Variants in PPP1R16B observed in about 807,000 individuals in gnomAD.
PPP1R16B encodes protein phosphatase 1 regulatory inhibitor subunit 16B.
A neutral mutation model predicts 61.7 loss-of-function variants in PPP1R16B; 14 were observed. The observed-to-expected ratio is 0.23, with a 90% CI of 0.15 to 0.35. The LOEUF is 0.35. Among genes scored for constraint, PPP1R16B ranks in the 10% least tolerant of loss-of-function variants. The pLI is 1.00. For synonymous variants in PPP1R16B, 266 were observed against 305.3 expected, an observed-to-expected ratio of 0.87 and a Z score of 1.34; for missense variants, 547 against 752.5, an observed-to-expected ratio of 0.73 and a Z score of 3.19.
At chr20:38,808,454 C>A (rs548542540) in intron 1 of PPP1R16B, among the ~76,000 whole-genome samples, 1 of 152,154 alleles carries the variant, frequency 6.6e-6, no homozygotes, top group East Asian at 1.9e-4. Flanking sequence ...TGGCACTCTT[C>A]CAGCAGAGAC....
intron 2 of PPP1R16B, among the ~76,000 whole-genome samples, chr20:38,849,224 C>G (rs917122213): frequency 6.6e-6 from 1 of 151,800 alleles, no homozygotes; most frequent in African/African-American, 2.4e-5. Context: ...CTGAATTCAC[C>G]TTAGTCTTGG....
chr20:38,917,955 C>T (rs2085555346), intron 10 of PPP1R16B, among the ~76,000 whole-genome samples: 1 of 152,126 alleles, frequency 6.6e-6, no homozygotes, highest in Non-Finnish European at 1.5e-5. Context: ...TGATCCAGGC[C>T]CTGGAGCAAG....
At chr20:38,811,734 G>A (rs1376506986) in intron 1 of PPP1R16B, among the ~76,000 whole-genome samples, 4 of 152,152 alleles carry the variant, frequency 2.6e-5, no homozygotes, top group African/African-American at 7.2e-5. Flanking sequence ...ACAACTTTTC[G>A]GGGGATAGTG....
intron 10 of PPP1R16B, among the ~76,000 whole-genome samples, chr20:38,911,713 T>G (rs1202059231): frequency 1.3e-5 from 2 of 151,894 alleles, no homozygotes; most frequent in African/African-American, 4.8e-5. Flanking sequence ...ATTTTTCTAT[T>G]TTTAGTAGAG....
intron 3 of PPP1R16B, among the ~76,000 whole-genome samples, chr20:38,890,871 C>T (rs2085287114): frequency 6.6e-6 from 1 of 152,180 alleles, no homozygotes; most frequent in Non-Finnish European, 1.5e-5. Flanking sequence ...GGGTGGGATG[C>T]ACAGAGAATG....
rs1422589597 is a variant in PPP1R16B, at chr20:38,835,875, C to T, written c.-51C>T. 16 of 1,478,480 alleles carry T rather than the reference C, an allele frequency of 1.1e-5. No individual in the cohort carries two copies. The highest frequency in any genetic ancestry group is 1.4e-5 in the Non-Finnish European group (16 of 1,117,068). 91.6% of individuals were successfully genotyped at this position (1,478,480 alleles called of 1,614,324 possible). On this transcript the variant is annotated 5_prime_UTR_variant, in exon 2 of 11. Transcript: ENST00000299824. ...CCAGAGGCCCCGCGCTGCCCTGGCC[C>T]CCGGTGCACCGTGCTAGCCCCCAGC... is the stretch of plus-strand genomic sequence containing the variant.
chr20:38,916,388 ATATT>A (rs980530550), intron 10 of PPP1R16B, among the ~76,000 whole-genome samples: 2 of 147,072 alleles, frequency 1.4e-5, no homozygotes, highest in Admixed American at 6.8e-5. Flanking sequence ...CGTTTTATAT[ATATT>A]TATATATGTA....
At chr20:38,889,394 C>T (rs1430299625) in intron 2 of PPP1R16B, among the ~76,000 whole-genome samples, 1 of 152,212 alleles carries the variant, frequency 6.6e-6, no homozygotes, top group African/African-American at 2.4e-5. Context: ...ATTGTTAGTT[C>T]TTGTTATTGT....
chr20:38,918,244 C>A lies in PPP1R16B; in HGVS notation c.1282C>A (p.Leu428Ile). ...ACTGGACATGCCTGTTGAGAATGGC[C>A]TCCGGGCTCCGGTCAGTGCCTACCA... ...GELDMPVENG[L>I]RAPVSAYQYA... Residue 428 changes from leucine to isoleucine, a missense_variant, in exon 11 of 11, where the codon CTC (leucine) becomes ATC (isoleucine). Physicochemically the swap from Leu to Ile is conservative, Grantham distance 5. Coordinates refer to ENST00000299824, the MANE Select transcript of PPP1R16B (RefSeq NM_015568.4). This position sits in a 1 kb window ranked among gnomAD's most constrained non-coding sequence, Gnocchi z 5.3. The A allele has an allele frequency of 1.2e-6, 2 of 1,614,230 alleles. No homozygotes were observed. The highest frequency in any genetic ancestry group is 1.7e-6 in the Non-Finnish European group (2 of 1,180,038).
intron 2 of PPP1R16B, among the ~76,000 whole-genome samples, chr20:38,838,906 C>G (rs932537936): frequency 3.3e-5 from 5 of 152,214 alleles, no homozygotes; most frequent in Non-Finnish European, 5.9e-5. Flanking sequence ...TGTTTCACCT[C>G]TATGGGTCCA....
At chr20:38,917,606 A>G (rs2085552814) in intron 10 of PPP1R16B, among the ~76,000 whole-genome samples, 1 of 152,164 alleles carries the variant, frequency 6.6e-6, no homozygotes, top group Admixed American at 6.5e-5. Context: ...TGACTGAAAA[A>G]CCCAACTCAA....
chr20:38,816,668 A>G (rs1648611753), intron 1 of PPP1R16B, among the ~76,000 whole-genome samples: 1 of 152,216 alleles, frequency 6.6e-6, no homozygotes, highest in Non-Finnish European at 1.5e-5. Flanking sequence ...GCAACACAAC[A>G]CAAGGAGCAG....
At chr20:38,848,547 C>CT (rs918553251) in intron 2 of PPP1R16B, among the ~76,000 whole-genome samples, 22 of 151,944 alleles carry the variant, frequency 1.4e-4, no homozygotes, top group Admixed American at 5.2e-4. Context: ...TCAGATTACT[C>CT]TTTTTTTTCA....
At position 38,877,559 on chromosome 20, in the gene PPP1R16B, G is replaced by A. The variant is rs113964273; in HGVS notation, c.251-12036G>A. 6.4e-4 allele frequency among the ~76,000 whole-genome samples: 97 copies of A among 152,140 alleles called. No homozygotes were observed. The East Asian group carries it at 0.018, about 28-fold the overall frequency. ...AATCCTGACGTCAGGTGATCCATCC[G>A]CCTCGGGCTCCCAAAGTGCTGGGAT... On this transcript the variant is annotated intron_variant, in intron 2 of 10. Transcript: ENST00000299824.
chr20:38,819,107 AT>A (rs1341565022), intron 1 of PPP1R16B, among the ~76,000 whole-genome samples: 6 of 152,020 alleles, frequency 3.9e-5, no homozygotes, highest in African/African-American at 1.5e-4. Context: ...AGGAAAAAAA[AT>A]AAAAAAGAGC....
intron 2 of PPP1R16B, among the ~76,000 whole-genome samples, chr20:38,876,455 A>G (rs1205899007): frequency 1.3e-5 from 2 of 152,062 alleles, no homozygotes; most frequent in South Asian, 2.1e-4. Context: ...GTGTGTTCCA[A>G]TTAGTTTTTG....
intron 1 of PPP1R16B, among the ~76,000 whole-genome samples, chr20:38,823,850 G>T (rs915036744): frequency 6.6e-6 from 1 of 152,124 alleles, no homozygotes; most frequent in African/African-American, 2.4e-5. Flanking sequence ...ACTCTGCATA[G>T]ATTTCATTTA....
At chr20:38,816,471 TG>T (rs1242324845) in intron 1 of PPP1R16B, among the ~76,000 whole-genome samples, 1 of 152,232 alleles carries the variant, frequency 6.6e-6, no homozygotes, top group Non-Finnish European at 1.5e-5. Flanking sequence ...TTTCAATCAA[TG>T]AATGAACATC....
intron 10 of PPP1R16B, among the ~76,000 whole-genome samples, chr20:38,914,680 T>C (rs572116795): frequency 6.6e-6 from 1 of 152,300 alleles, no homozygotes; most frequent in South Asian, 2.1e-4. Flanking sequence ...TTTCTTTTGT[T>C]GAGACAGGGT....
Sources: gnomAD v4.1 joint callset for allele counts (sites outside exome capture counted in the v4.1 genomes callset) on GRCh38, gnomAD v4.1.1 for gene constraint, Gnocchi (gnomAD v3.1) non-coding constraint, MANE v1.5 for transcripts, NCBI Gene and HGNC (gene_info 2026-07-23, HGNC 2026-07-21) for gene names.